CRISP2: variants seen among roughly 807,000 people sequenced by gnomAD.
The protein encoded by CRISP2 is cysteine rich secretory protein 2, also known as cysteine-rich secretory protein 2.
Under a neutral mutation model 31.7 loss-of-function variants are expected in CRISP2, and 29 were observed. The observed-to-expected ratio is 0.92, with a 90% CI of 0.68 to 1.25. The LOEUF is 1.25. CRISP2 is among the 50% of genes most tolerant of loss of function. The pLI, the probability that CRISP2 is intolerant of heterozygous loss-of-function variation, is 0.00. For missense variants in CRISP2, 318 were observed against 286.5 expected (o/e 1.11, Z -0.79); for synonymous variants, 111 against 101.4 (o/e 1.09, Z -0.57).
chr6:49,686,767 G>T, the CRISP2 span, among the ~76,000 whole-genome samples: 1 of 152,078 alleles, frequency 6.6e-6, no homozygotes, highest in Admixed American at 6.6e-5. Context: ...TGCTTATTGC[G>T]GCATTATTCA....
intron 4 of CRISP2, among the ~76,000 whole-genome samples, chr6:49,705,588 T>G (rs1264992656): frequency 6.6e-6 from 1 of 152,226 alleles, no homozygotes; most frequent in Non-Finnish European, 1.5e-5. Flanking sequence ...AAAGTTCAGC[T>G]GGAAGTCTCC....
intron 5 of CRISP2, 139 bp downstream of exon 5, chr6:49,700,529 C>A: frequency 1.5e-6 from 1 of 667,694 alleles, no homozygotes; most frequent in South Asian, 1.7e-5. Context: ...ACAATCCTCT[C>A]CATATAATGG....
At chr6:49,706,140 A>G (rs1217015602) in intron 4 of CRISP2, among the ~76,000 whole-genome samples, 4 of 152,240 alleles carry the variant, frequency 2.6e-5, no homozygotes, top group Non-Finnish European at 1.5e-5. Context: ...AAGCATACAA[A>G]TTTAAAACCT....
At chr6:49,701,500 G>A (rs1089536) in intron 4 of CRISP2, among the ~76,000 whole-genome samples, 8,797 of 46,292 alleles carry the variant, frequency 0.19, 1,307 homozygotes, top group Middle Eastern at 0.26. Context: ...GTGTGTGTGT[G>A]TATATATATA....
chr6:49,684,717 T>C, the CRISP2 span, among the ~76,000 whole-genome samples: 4 of 152,224 alleles, frequency 2.6e-5, no homozygotes, highest in South Asian at 2.1e-4. Context: ...GGGTATCTTA[T>C]ACAATCATAT....
chr6:49,692,956 C>T, intron 9 of CRISP2, 56 bp from the exon 10 acceptor site: 1 of 1,591,466 alleles, frequency 6.3e-7, no homozygotes, highest in Non-Finnish European at 8.6e-7. Flanking sequence ...AAGAGCAAAA[C>T]CATACATTCA....
At chr6:49,683,173 A>C in the CRISP2 span, among the ~76,000 whole-genome samples, 2 of 150,260 alleles carry the variant, frequency 1.3e-5, no homozygotes, top group African/African-American at 4.9e-5. Flanking sequence ...TAAATAAATA[A>C]ATAAATAAAT....
the CRISP2 span, among the ~76,000 whole-genome samples, chr6:49,685,062 T>G: frequency 1.3e-5 from 2 of 152,154 alleles, no homozygotes; most frequent in Non-Finnish European, 2.9e-5. Flanking sequence ...GTCTCACAAA[T>G]GAGTTTCTGT....
chr6:49,708,473 C>T (rs73439856), intron 4 of CRISP2, among the ~76,000 whole-genome samples: 1 of 151,898 alleles, frequency 6.6e-6, no homozygotes, highest in East Asian at 1.9e-4. Context: ...ATGACAAGTG[C>T]CTTTATGAGA....
chr6:49,706,351 G>T (rs937654390), intron 4 of CRISP2, among the ~76,000 whole-genome samples: 1 of 152,106 alleles, frequency 6.6e-6, no homozygotes, highest in African/African-American at 2.4e-5. Flanking sequence ...AATTTTATGG[G>T]TTGCTTAAAA....
the CRISP2 span, among the ~76,000 whole-genome samples, chr6:49,682,595 CT>C: frequency 1.6e-5 from 1 of 64,508 alleles, no homozygotes; most frequent in Non-Finnish European, 2.7e-5. Flanking sequence ...CTTTTTCTTT[CT>C]TTCTTTCTTT....
At chr6:49,686,134 T>C in the CRISP2 span, among the ~76,000 whole-genome samples, 26 of 152,348 alleles carry the variant, frequency 1.7e-4, no homozygotes, top group African/African-American at 6.3e-4. Flanking sequence ...TAAAAATGTT[T>C]TGCTCTTCGC....
At chr6:49,687,366 G>T (rs1763915496), downstream of CRISP2, among the ~76,000 whole-genome samples, 1 of 152,248 alleles carries the variant, frequency 6.6e-6, no homozygotes, top group African/African-American at 2.4e-5. Flanking sequence ...CGTTGATAAA[G>T]CATGAATCAT....
At chr6:49,679,535 C>G in the CRISP2 span, among the ~76,000 whole-genome samples, 1 of 152,090 alleles carries the variant, frequency 6.6e-6, no homozygotes, top group African/African-American at 2.4e-5. Flanking sequence ...GAGTCCTGTC[C>G]TGGGTGGAAT....
rs139137824 is a variant in CRISP2 at position 49,704,539 on chromosome 6, C to T, written c.67-3755G>A. Among the ~76,000 whole-genome samples, 7 of 152,176 alleles carry T rather than the reference C, an allele frequency of 4.6e-5. No homozygotes were observed. In the South Asian group the frequency reaches 1.0e-3, roughly 23 times the overall value. On this transcript the variant is annotated intron_variant, in intron 4 of 9. Coordinates refer to ENST00000339139, the MANE Select transcript of CRISP2 (RefSeq NM_003296.4). ...GCTGTTCAGGTTCTTTTGCCTTGAA[C>T]CCTTGATGTGGTACTCTCCCCCTTC...
chr6:49,694,796 C>T (rs552331239), intron 9 of CRISP2, among the ~76,000 whole-genome samples: 20 of 150,770 alleles, frequency 1.3e-4, no homozygotes, highest in Admixed American at 4.0e-4. Flanking sequence ...GTGCAGTGGC[C>T]GAACTCGGCT....
intron 4 of CRISP2, among the ~76,000 whole-genome samples, chr6:49,702,369 C>A (rs569837212): frequency 3.5e-4 from 53 of 151,038 alleles, no homozygotes; most frequent in African/African-American, 1.2e-3. Flanking sequence ...ACATTTAGTT[C>A]TTTAAGGAAT....
At chr6:49,685,125 T>G in the CRISP2 span, among the ~76,000 whole-genome samples, 1 of 152,160 alleles carries the variant, frequency 6.6e-6, no homozygotes, top group African/African-American at 2.4e-5. Context: ...CAGCCCCCAC[T>G]GCCTTTGCCA....
Position 49,698,471 on chromosome 6 carries a change from T to A in CRISP2, c.308A>T (p.Asp103Val), listed in dbSNP as rs1312578413. 7 of 1,612,764 alleles carry A rather than the reference T, an allele frequency of 4.3e-6. No homozygotes were observed. The highest frequency in any genetic ancestry group is 5.9e-6 in the Non-Finnish European group (7 of 1,179,400). ...RCGENLYMSS[D>V]PTSWSSAIQS... ...GATTGCAGAAGACCAGGAAGTAGGG[T>A]CACTTGACATATAGAGATTCTCACC... The change falls in exon 7 of 10, where the codon GAC becomes GTC. Residue 103 changes from aspartate to valine, a missense_variant. Transcript: ENST00000339139.
Sources: gnomAD v4.1 joint callset for allele counts (sites outside exome capture counted in the v4.1 genomes callset) on GRCh38, gnomAD v4.1.1 for gene constraint, MANE v1.5 for transcripts, NCBI Gene and HGNC (gene_info 2026-07-23, HGNC 2026-07-21) for gene names.